The following EPHA6 variants were observed in gnomAD, a reference collection of about 807,000 sequenced individuals.
The protein encoded by EPHA6 is EPH receptor A6, also known as ephrin type-A receptor 6.
A neutral mutation model predicts 112.0 loss-of-function variants in EPHA6; 50 were observed. The ratio of observed to expected loss-of-function variants is 0.45; its 90% CI spans 0.36 to 0.56. The LOEUF (loss-of-function observed/expected upper bound fraction) is 0.56, where lower values mean the gene tolerates loss of function less well. Ranked by LOEUF, EPHA6 falls within the 20% of genes least tolerant of loss-of-function variation. The pLI is 0.00. For synonymous variants in EPHA6, 529 were observed against 490.7 expected, an observed-to-expected ratio of 1.08 and a Z score of -1.03; for missense variants, 1,280 against 1,417.4, an observed-to-expected ratio of 0.90 and a Z score of 1.56.
At chr3:96,975,230 G>C (rs980903412) in intron 2 of EPHA6, among the ~76,000 whole-genome samples, 3 of 152,056 alleles carry the variant, frequency 2.0e-5, no homozygotes, top group African/African-American at 7.2e-5. Context: ...ACATCATAAG[G>C]AAGAGTTTGG....
At chr3:97,166,919 A>C (rs1489946573) in intron 3 of EPHA6, among the ~76,000 whole-genome samples, 1 of 152,132 alleles carries the variant, frequency 6.6e-6, no homozygotes, top group African/African-American at 2.4e-5. Context: ...AACCAGAAAT[A>C]ATACAGGAAC....
intron 3 of EPHA6, among the ~76,000 whole-genome samples, chr3:97,160,596 T>C (rs2076392005): frequency 6.6e-6 from 1 of 152,078 alleles, no homozygotes; most frequent in South Asian, 2.1e-4. Flanking sequence ...TACATATTTT[T>C]ACCCATTCAG....
At chr3:97,173,690 T>C (rs1346664298) in intron 3 of EPHA6, among the ~76,000 whole-genome samples, 3 of 151,818 alleles carry the variant, frequency 2.0e-5, no homozygotes, top group Non-Finnish European at 4.4e-5. Flanking sequence ...AAAAGTACTT[T>C]GATTTAGTGT....
intron 5 of EPHA6, among the ~76,000 whole-genome samples, chr3:97,300,268 T>C (rs2081040033): frequency 6.6e-6 from 1 of 152,214 alleles, no homozygotes; most frequent in Non-Finnish European, 1.5e-5. Context: ...ATTACTTCAA[T>C]ACTTGAAGTT....
chr3:96,835,051 C>T (rs1005932623), intron 1 of EPHA6, among the ~76,000 whole-genome samples: 2 of 151,970 alleles, frequency 1.3e-5, no homozygotes, highest in African/African-American at 4.8e-5. Context: ...AACAACACTT[C>T]AAAAACTGAC....
intron 3 of EPHA6, among the ~76,000 whole-genome samples, chr3:97,093,110 A>G (rs1304883001): frequency 6.6e-6 from 1 of 152,150 alleles, no homozygotes; most frequent in Non-Finnish European, 1.5e-5. Context: ...ATTTGGATAG[A>G]AATGGGAGCT....
chr3:97,545,398 G>A (rs1026285771), intron 11 of EPHA6, among the ~76,000 whole-genome samples: 1 of 152,124 alleles, frequency 6.6e-6, no homozygotes, highest in Non-Finnish European at 1.5e-5. Flanking sequence ...TTAATCCTGA[G>A]CTCTAGTTTG....
chr3:97,604,913 A>G (rs1206318517), intron 12 of EPHA6, among the ~76,000 whole-genome samples: 1 of 151,524 alleles, frequency 6.6e-6, no homozygotes, highest in East Asian at 1.9e-4. Flanking sequence ...TCTGACATTC[A>G]ACTCAAAAAA....
chr3:97,717,892 C>T (rs1021181268), intron 14 of EPHA6, among the ~76,000 whole-genome samples: 1 of 152,054 alleles, frequency 6.6e-6, no homozygotes, highest in Non-Finnish European at 1.5e-5. Context: ...TATGAAATAT[C>T]ATTTATAGGT....
At chr3:97,106,765 G>T (rs2047582846) in intron 3 of EPHA6, among the ~76,000 whole-genome samples, 1 of 152,120 alleles carries the variant, frequency 6.6e-6, no homozygotes, top group African/African-American at 2.4e-5. Flanking sequence ...TACTGCCGAG[G>T]GGTCGGAGCC....
At chr3:97,140,874 A>G (rs906946483) in intron 3 of EPHA6, among the ~76,000 whole-genome samples, 2 of 152,134 alleles carry the variant, frequency 1.3e-5, no homozygotes, top group Admixed American at 6.5e-5. Flanking sequence ...CTTAAAACAT[A>G]TAGACTGGCA....
intron 14 of EPHA6, among the ~76,000 whole-genome samples, chr3:97,676,249 G>A (rs2031366928): frequency 2.0e-5 from 3 of 152,064 alleles, no homozygotes; most frequent in African/African-American, 7.2e-5. Context: ...AGAATATGAG[G>A]AGGAGGATAC....
chr3:96,961,278 C>A (rs550539754), intron 2 of EPHA6, among the ~76,000 whole-genome samples: 1 of 152,294 alleles, frequency 6.6e-6, no homozygotes, highest in Admixed American at 6.5e-5. Context: ...TGTATCTATT[C>A]ATCTCTATTC....
At chr3:97,597,067 G>A (rs1398305239) in intron 12 of EPHA6, among the ~76,000 whole-genome samples, 1 of 151,552 alleles carries the variant, frequency 6.6e-6, no homozygotes, top group Non-Finnish European at 1.5e-5. Flanking sequence ...CTATGAAAGA[G>A]AGAACTAGGA....
chr3:96,989,321 T>C (rs1156954274), intron 3 of EPHA6, among the ~76,000 whole-genome samples: 1 of 152,198 alleles, frequency 6.6e-6, no homozygotes, highest in African/African-American at 2.4e-5. Context: ...TACTAATATT[T>C]GCATGAGAAG....
intron 10 of EPHA6, among the ~76,000 whole-genome samples, chr3:97,504,919 A>T (rs1212277230): frequency 1.3e-5 from 2 of 152,110 alleles, no homozygotes; most frequent in East Asian, 1.9e-4. Flanking sequence ...GTTTGTAAAA[A>T]CTTGAAATCA....
intron 2 of EPHA6, among the ~76,000 whole-genome samples, chr3:96,873,366 A>C (rs970570807): frequency 2.0e-5 from 3 of 152,034 alleles, no homozygotes; most frequent in African/African-American, 7.2e-5. Flanking sequence ...TTCATTTTTC[A>C]GTTTGTTCAG....
chr3:97,249,338 A>G (rs372382892), intron 5 of EPHA6, among the ~76,000 whole-genome samples: 1 of 152,188 alleles, frequency 6.6e-6, no homozygotes, highest in African/African-American at 2.4e-5. Context: ...CTGGCTAATC[A>G]TTACTAAATC....
At chr3:97,673,255 T>C (rs1192456308) in intron 14 of EPHA6, among the ~76,000 whole-genome samples, 1 of 151,992 alleles carries the variant, frequency 6.6e-6, no homozygotes, top group Non-Finnish European at 1.5e-5. Context: ...TGTGAAAGAG[T>C]TTAAAGAAGG....
Sources: allele counts gnomAD v4.1 joint callset (sites outside exome capture counted in the v4.1 genomes callset), GRCh38; gene constraint gnomAD v4.1.1; transcripts MANE v1.5; gene names NCBI Gene and HGNC (gene_info 2026-07-23, HGNC 2026-07-21).